Variants in TSPAN7 observed in about 807,000 individuals in gnomAD.
TSPAN7 encodes the protein tetraspanin-7.
In TSPAN7, 1 loss-of-function variant was observed where a neutral mutation model predicts 17.6. The observed-to-expected ratio is 0.06, with a 90% CI of 0.02 to 0.27. TSPAN7 has a LOEUF of 0.27. TSPAN7 is among the 10% of genes least tolerant of loss of function. TSPAN7 has a pLI of 1.00. For missense variants in TSPAN7, 112 were observed against 201.7 expected, an observed-to-expected ratio of 0.56 and a Z score of 2.69; for synonymous variants, 78 against 79.0, an observed-to-expected ratio of 0.99 and a Z score of 0.07.
In TSPAN7 at chrX:38,665,183, C is replaced by T. The variant is rs746007223; in HGVS notation, c.82-938C>T. 5.8e-4 allele frequency among the ~76,000 whole-genome samples: 65 copies of T among 112,087 alleles called. 1 individual carries two copies. Among genetic ancestry groups the T allele is most frequent in the Non-Finnish European group, 1.1e-3 (56 of 53,181 alleles). On this transcript the variant is annotated intron_variant, in intron 1 of 7. Coordinates refer to ENST00000378482, the MANE Select transcript of TSPAN7 (RefSeq NM_004615.4). Reference sequence around the variant, plus strand: ...AAGGCATTTGGTATGAGACATTAGGCTCTAGGGTGGGGCCAAACTGGAGAT... The same window carrying T: ...AAGGCATTTGGTATGAGACATTAGGTTCTAGGGTGGGGCCAAACTGGAGAT...
intron 1 of TSPAN7, among the ~76,000 whole-genome samples, chrX:38,651,174 T>C (rs1345661528): frequency 9.1e-6 from 1 of 110,153 alleles, no homozygotes; most frequent in Non-Finnish European, 1.9e-5. Context: ...AAGGTAAAAA[T>C]GTCAGTAATG....
chrX:38,569,499 T>C (rs1342757849), intron 1 of TSPAN7, among the ~76,000 whole-genome samples: 2 of 10,488 alleles, frequency 1.9e-4, no homozygotes, highest in African/African-American at 4.1e-4. Context: ...GTGGCGGGGG[T>C]GGGGGTGGGG....
rs768062584 is a variant in TSPAN7, at chrX:38,658,426, C to T, written c.82-7695C>T. 3.9e-3 allele frequency among the ~76,000 whole-genome samples: 427 copies of T among 110,630 alleles called. 7 individuals carry two copies. The highest frequency in any genetic ancestry group is 0.013 in the African/African-American group (400 of 30,377). ...AACTCCTGGCCTCAAGTGATCCTCC[C>T]GCCTTGGCCTCCCAAAGTGCTGGGA... On this transcript the variant is annotated intron_variant, in intron 1 of 7. Transcript: ENST00000378482.
intron 5 of TSPAN7, 66 bp downstream of exon 5, chrX:38,675,926 A>G (rs1420002695): frequency 1.8e-6 from 2 of 1,099,768 alleles, no homozygotes; most frequent in Non-Finnish European, 2.5e-6. Context: ...TTTTATTTCC[A>G]TGAAATTATG....
intron 1 of TSPAN7, among the ~76,000 whole-genome samples, chrX:38,663,342 C>G (rs1358838801): frequency 1.8e-5 from 2 of 111,989 alleles, no homozygotes; most frequent in Non-Finnish European, 3.8e-5. Context: ...TAAGTGGGAG[C>G]TAATCTGTGA....
At chrX:38,568,296 G>GT (rs370418738) in intron 1 of TSPAN7, among the ~76,000 whole-genome samples, 942 of 93,016 alleles carry the variant, frequency 0.01, 7 homozygotes, top group African/African-American at 0.024. Context: ...CTTCCTTGGT[G>GT]TTTTTTTTTT....
At chrX:38,596,496 T>G (rs2069319365) in intron 1 of TSPAN7, among the ~76,000 whole-genome samples, 1 of 111,671 alleles carries the variant, frequency 9.0e-6, no homozygotes, top group Admixed American at 9.5e-5. Flanking sequence ...TATATAACCT[T>G]AAACTGAAGT....
intron 1 of TSPAN7, among the ~76,000 whole-genome samples, chrX:38,640,270 C>T (rs2069605212): frequency 8.9e-6 from 1 of 111,749 alleles, no homozygotes; most frequent in African/African-American, 3.3e-5. Context: ...CTGTGCTGGA[C>T]TCCACATTTA....
chrX:38,678,065 A>G (rs971353185), intron 5 of TSPAN7, among the ~76,000 whole-genome samples: 2 of 112,405 alleles, frequency 1.8e-5, no homozygotes, highest in Non-Finnish European at 3.8e-5. Context: ...TTGTACAGAT[A>G]ACTGGGAGAG....
At chrX:38,666,372 T>A in intron 2 of TSPAN7, 63 bp downstream of exon 2, 1 of 1,120,508 alleles carries the variant, frequency 8.9e-7, no homozygotes, top group East Asian at 3.0e-5. Context: ...ATAAATTACA[T>A]GGAGGTGAAG....
intron 2 of TSPAN7, 95 bp downstream of exon 2, chrX:38,666,404 A>G (rs2069781957): frequency 1.3e-5 from 12 of 924,459 alleles, no homozygotes; most frequent in Non-Finnish European, 1.7e-5. Context: ...GAGGTCACAG[A>G]CAAGACCTTA....
At chrX:38,627,912 T>C (rs910891696) in intron 1 of TSPAN7, among the ~76,000 whole-genome samples, 4 of 112,613 alleles carry the variant, frequency 3.6e-5, no homozygotes, top group African/African-American at 6.5e-5. Flanking sequence ...GTGGCCACAG[T>C]AGGACTCTAT....
chrX:38,642,090 G>C (rs191692538), intron 1 of TSPAN7, among the ~76,000 whole-genome samples: 1 of 111,896 alleles, frequency 8.9e-6, no homozygotes, highest in Admixed American at 9.5e-5. Context: ...ATGCTCTGGG[G>C]TGTGCGTTTG....
intron 1 of TSPAN7, among the ~76,000 whole-genome samples, chrX:38,591,796 A>G (rs1248056065): frequency 8.9e-6 from 1 of 112,243 alleles, no homozygotes; most frequent in East Asian, 2.8e-4. Context: ...TTCCTCTGAA[A>G]TGTATTTTGT....
intron 1 of TSPAN7, among the ~76,000 whole-genome samples, chrX:38,622,437 A>G (rs2069493174): frequency 8.9e-6 from 1 of 112,163 alleles, no homozygotes; most frequent in Non-Finnish European, 1.9e-5. Flanking sequence ...AATCTCAGCT[A>G]CTTGGATGGG....
chrX:38,563,254 A>G lies in TSPAN7; in HGVS notation c.81+1627A>G, dbSNP rs149587755. On this transcript the variant is annotated intron_variant, in intron 1 of 7. Coordinates refer to ENST00000378482, the MANE Select transcript of TSPAN7 (RefSeq NM_004615.4). Reference sequence around the variant, plus strand: ...GGACTTTATTTGGACTGACAACGACACAGGTTGAAATGTCTCAGTAGTGGA... The same window carrying G: ...GGACTTTATTTGGACTGACAACGACGCAGGTTGAAATGTCTCAGTAGTGGA... The G allele has an allele frequency of 7.5e-6, 4 of 535,682 alleles. No homozygotes were observed. The East Asian group carries it at 3.6e-4, about 49-fold the overall frequency. The allele number at this position is 535,682 out of a possible 1,213,427, so 44.1% of individuals were successfully genotyped here.
chrX:38,671,332 AATCCTGATGT>A, intron 2 of TSPAN7, 34 bp from the exon 3 acceptor site: 1 of 1,178,981 alleles, frequency 8.5e-7, no homozygotes, highest in Non-Finnish European at 1.2e-6. Context: ...CCCTCTTCTT[AATCCTGATGT>A]ATCTGACTTT....
At chrX:38,584,200 G>A (rs1230839053) in intron 1 of TSPAN7, among the ~76,000 whole-genome samples, 2 of 109,746 alleles carry the variant, frequency 1.8e-5, no homozygotes, top group African/African-American at 3.3e-5. Flanking sequence ...TGATCCACTC[G>A]CCTCGGCCTC....
At chrX:38,650,563 A>ACT (rs1187558760) in intron 1 of TSPAN7, among the ~76,000 whole-genome samples, 1 of 111,865 alleles carries the variant, frequency 8.9e-6, no homozygotes, top group Non-Finnish European at 1.9e-5. Context: ...CACAGGTAGG[A>ACT]CTCAACCATT....
Sources: allele counts gnomAD v4.1 joint callset (sites outside exome capture counted in the v4.1 genomes callset), GRCh38; gene constraint gnomAD v4.1.1; transcripts MANE v1.5; gene names NCBI Gene and HGNC (gene_info 2026-07-23, HGNC 2026-07-21).